The following ABCA1 variants were observed in gnomAD, a reference collection of about 807,000 sequenced individuals.
The protein encoded by ABCA1 is phospholipid-transporting ATPase ABCA1.
In ABCA1, 133 loss-of-function variants were observed where a neutral mutation model predicts 262.5. That is an observed-to-expected ratio of 0.51 (90% CI 0.44 to 0.59). The LOEUF (loss-of-function observed/expected upper bound fraction) is 0.59. Among genes scored for constraint, ABCA1 ranks in the 20% least tolerant of loss-of-function variants. ABCA1 has a pLI of 0.00. For synonymous variants in ABCA1, 1,022 were observed against 1,043.5 expected (o/e 0.98, Z 0.40); for missense variants, 2,452 against 2,777.5 (o/e 0.88, Z 2.63).
chr9:104,788,490 G>A lies in ABCA1; in HGVS notation c.6005C>T (p.Thr2002Ile). 1 of 1,614,204 alleles carries A rather than the reference G, an allele frequency of 6.2e-7. No individual in the cohort carries two copies. Among genetic ancestry groups the A allele is most frequent in the Non-Finnish European group, 8.5e-7 (1 of 1,180,032 alleles). Residue 2002 changes from threonine to isoleucine, a missense_variant, in exon 45 of 50, where the codon ACT (threonine) becomes ATT (isoleucine). Thr to Ile is a moderately conservative substitution (Grantham distance 89, BLOSUM62 -1). Coordinates refer to ENST00000374736, the MANE Select transcript of ABCA1 (RefSeq NM_005502.4). ...AAAGAACTCCACGTGTTCTCTCCCA[G>A]TCAACAGCTCTGTGATGGCATCAAA... ...PQFDAITELLTGREHVEFFAL... is the reference protein window; with the variant it reads ...PQFDAITELLIGREHVEFFAL...
At chr9:104,820,172 C>T (rs1027073657) in intron 20 of ABCA1, 103 bp from the exon 21 acceptor site, 394 of 1,439,996 alleles carry the variant, frequency 2.7e-4, no homozygotes, top group Non-Finnish European at 3.7e-4. Context: ...TTTCTCTCCC[C>T]GTGCTTTTTA....
At chr9:104,842,199 G>A (rs1242804055) in intron 8 of ABCA1, among the ~76,000 whole-genome samples, 2 of 152,188 alleles carry the variant, frequency 1.3e-5, no homozygotes, top group African/African-American at 4.8e-5. Context: ...TCTCCAGAGA[G>A]GGGGCATCTA....
At chr9:104,869,135 C>A (rs997378256) in intron 5 of ABCA1, among the ~76,000 whole-genome samples, 3 of 152,052 alleles carry the variant, frequency 2.0e-5, no homozygotes, top group Non-Finnish European at 2.9e-5. Context: ...TCGGTCAGTG[C>A]CCTCCAGTCC....
chr9:104,785,625 TA>T lies in ABCA1; in HGVS notation c.6415del (p.Tyr2139IlefsTer3). On this transcript the variant is annotated frameshift_variant, in exon 49 of 50. Transcript: ENST00000374736. LOFTEE classifies it high-confidence loss of function. ...CCCTGCTATTCGTACAACTATTGTA[TA>T]ACCATCTCCAAACCTGAAAGCAGGA... is the stretch of plus-strand genomic sequence containing the variant. ...QHLKNRFGDG[Y>X]TIVVRIAGSN... The T allele has an allele frequency of 6.2e-7, 1 of 1,614,028 alleles. No homozygotes were observed. Among genetic ancestry groups the T allele is most frequent in the Non-Finnish European group, 8.5e-7 (1 of 1,179,980 alleles).
Position 104,814,465 on chromosome 9 carries a change from T to C in ABCA1, c.3749A>G (p.Lys1250Arg), listed in dbSNP as rs201876980. Residue 1250 changes from lysine (K) to arginine (R), a missense_variant, in exon 26 of 50, where the codon AAG (lysine) becomes AGG (arginine). This residue lies in a region of ABCA1 where 665 missense variants were observed against 727.3 expected (regional missense o/e 0.91). Coordinates refer to ENST00000374736, the MANE Select transcript of ABCA1 (RefSeq NM_005502.4). Reference sequence around the variant, plus strand: ...ATCCACCCCACTCTCTTCGGCCACCTTGAGGAATATCTGGAAAATGAGAGA... The same window carrying C: ...ATCCACCCCACTCTCTTCGGCCACCCTGAGGAATATCTGGAAAATGAGAGA... ...SETTLEEIFL[K>R]VAEESGVDAE... 9 of 1,614,158 alleles carry C rather than the reference T, an allele frequency of 5.6e-6. No individual in the cohort carries two copies. In the East Asian group the frequency reaches 2.0e-4, roughly 36 times the overall value.
chr9:104,786,691 G>A (rs1217759994), intron 47 of ABCA1, among the ~76,000 whole-genome samples, 182 bp downstream of exon 47: 1 of 152,234 alleles, frequency 6.6e-6, no homozygotes, highest in Non-Finnish European at 1.5e-5. Flanking sequence ...AATATATTAA[G>A]TGAAAAAGAG....
intron 8 of ABCA1, among the ~76,000 whole-genome samples, chr9:104,841,759 C>T (rs1834398293): frequency 6.6e-6 from 1 of 152,204 alleles, no homozygotes; most frequent in Non-Finnish European, 1.5e-5. Context: ...AGTCAGAAAC[C>T]CTAGGCAGTG....
At position 104,827,109 on chromosome 9, in the gene ABCA1, C is replaced by A. The variant is rs755697416; in HGVS notation, c.2176G>T (p.Ala726Ser). Residue 726 changes from alanine (A) to serine (S), a missense_variant, in exon 16 of 50, where the codon GCT becomes TCT. Ala to Ser is a moderately conservative substitution (Grantham distance 99, BLOSUM62 1). Coordinates refer to ENST00000374736, the MANE Select transcript of ABCA1 (RefSeq NM_005502.4). The part of the protein sequence containing the change: ...SVVFVFLSVF[A>S]VVTILQCFLI... Reference sequence around the variant, plus strand: ...AAGCACTGCAGGATTGTCACCACAGCAAACACGGACAGGAAGACAAACACC... The same window carrying A: ...AAGCACTGCAGGATTGTCACCACAGAAAACACGGACAGGAAGACAAACACC... The A allele has an allele frequency of 3.1e-6, 5 of 1,614,136 alleles. 1 individual carries two copies. The Middle Eastern group carries it at 4.9e-4, about 160-fold the overall frequency.
rs373103108 is a variant in ABCA1 at position 104,785,594 on chromosome 9, G to A, written c.6447C>T (p.Asn2149=). ...AATCCTGGACAGGCTTCAGGTCCGG[G>A]TTGGACCCTGCTATTCGTACAACTA... ...YTIVVRIAGS[N]PDLKPVQDFF... is the part of the protein sequence containing the mutation. The change falls in exon 49 of 50, where the codon AAC becomes AAT. Residue 2149 remains asparagine (N), a synonymous_variant. Coordinates refer to ENST00000374736, the MANE Select transcript of ABCA1 (RefSeq NM_005502.4). The A allele has an allele frequency of 1.7e-5, 27 of 1,614,012 alleles. 1 individual carries two copies. The highest frequency in any genetic ancestry group is 2.2e-5 in the Non-Finnish European group (26 of 1,180,022).
intron 16 of ABCA1, among the ~76,000 whole-genome samples, chr9:104,826,411 C>T (rs546871962): frequency 1.3e-5 from 2 of 152,320 alleles, no homozygotes; most frequent in African/African-American, 4.8e-5. Context: ...AGATATCCCC[C>T]TGCTCTGTAC....
At chr9:104,841,039 A>G (rs1162739877) in intron 8 of ABCA1, among the ~76,000 whole-genome samples, 1 of 152,196 alleles carries the variant, frequency 6.6e-6, no homozygotes, top group Non-Finnish European at 1.5e-5. Flanking sequence ...TAGTGTAGAA[A>G]TTGAACAGCC....
Position 104,867,989 on chromosome 9 carries a change from G to A in ABCA1, c.422-6189C>T, listed in dbSNP as rs191126642. 3.3e-5 allele frequency among the ~76,000 whole-genome samples: 5 copies of A among 152,302 alleles called. No individual in the cohort carries two copies. In the East Asian group the frequency reaches 9.7e-4, roughly 29 times the overall value. On this transcript the variant is annotated intron_variant, in intron 5 of 49. Coordinates refer to ENST00000374736, the MANE Select transcript of ABCA1 (RefSeq NM_005502.4). ...AATCAGCACTGGATACAGCATCACA[G>A]GGTCTGAATTCAAGAGTCAGCTCTG...
intron 8 of ABCA1, among the ~76,000 whole-genome samples, chr9:104,841,255 G>A (rs1263262352): frequency 6.6e-6 from 1 of 152,008 alleles, no homozygotes; most frequent in African/African-American, 2.4e-5. Context: ...GGCCAACATG[G>A]TGAAACCCCA....
chr9:104,902,553 C>T (rs1368927825), intron 2 of ABCA1, among the ~76,000 whole-genome samples: 1 of 152,152 alleles, frequency 6.6e-6, no homozygotes, highest in Admixed American at 6.6e-5. Flanking sequence ...TTTGGCTGCA[C>T]TTAATTTGTA....
chr9:104,801,116 T>TAAAAAAAA (rs72121018), intron 34 of ABCA1, among the ~76,000 whole-genome samples: 1 of 145,414 alleles, frequency 6.9e-6, no homozygotes, highest in African/African-American at 2.6e-5. Flanking sequence ...CTTGCCAGCT[T>TAAAAAAAA]AAAAAAAAAA....
Sources: allele counts gnomAD v4.1 joint callset (sites outside exome capture counted in the v4.1 genomes callset), GRCh38; gene constraint gnomAD v4.1.1; regional missense constraint gnomAD v4.1.1; transcripts MANE v1.5; gene names NCBI Gene and HGNC (gene_info 2026-07-23, HGNC 2026-07-21).